The following SORCS2 variants were observed in gnomAD, a reference collection of about 807,000 sequenced individuals.
SORCS2 encodes sortilin related VPS10 domain containing receptor 2.
SORCS2 carries 100 observed loss-of-function variants against 141.6 expected under a neutral mutation model. The ratio of observed to expected loss-of-function variants is 0.71; its 90% CI spans 0.60 to 0.83. The LOEUF is 0.83. Ranked by LOEUF, SORCS2 falls within the 40% of genes least tolerant of loss-of-function variation. The pLI, the probability that SORCS2 is intolerant of heterozygous loss-of-function variation, is 0.00. For missense variants in SORCS2, 1,646 were observed against 1,560.2 expected, an observed-to-expected ratio of 1.05 and a Z score of -0.93; for synonymous variants, 789 against 676.9, an observed-to-expected ratio of 1.17 and a Z score of -2.57.
chr4:7,343,767 C>T (rs529718984), intron 1 of SORCS2, among the ~76,000 whole-genome samples: 8 of 152,286 alleles, frequency 5.3e-5, no homozygotes, highest in Non-Finnish European at 1.0e-4. Context: ...TGGTACACGG[C>T]GTAGAATAAG....
chr4:7,386,560 G>A (rs201943467), intron 1 of SORCS2, among the ~76,000 whole-genome samples: 14 of 66,342 alleles, frequency 2.1e-4, no homozygotes, highest in South Asian at 5.8e-4. Context: ...AGATACACAC[G>A]CACATGCACA....
chr4:7,575,625 A>T (rs74768064), intron 3 of SORCS2, among the ~76,000 whole-genome samples: 1 of 152,242 alleles, frequency 6.6e-6, no homozygotes, highest in South Asian at 2.1e-4. Context: ...ATTTAAATTA[A>T]TTGAAACTAG....
chr4:7,574,426 C>T (rs967938895), intron 3 of SORCS2, among the ~76,000 whole-genome samples: 1 of 152,204 alleles, frequency 6.6e-6, no homozygotes. Flanking sequence ...AGAGTGATGA[C>T]GTGTTCTTCC....
rs201773070 is a variant in SORCS2, at chr4:7,313,553, C to G, written c.481-82735C>G. Among the ~76,000 whole-genome samples the G allele has an allele frequency of 4.6e-5, 7 of 152,204 alleles. No homozygotes were observed. The East Asian group carries it at 1.4e-3, about 29-fold the overall frequency. ...ACGGGGAGGAAGGAGGGGCTGAGCC[C>G]GGGGACAGACAGAAAGACCTCTTTG... On this transcript the variant is annotated intron_variant, in intron 1 of 26. Coordinates refer to ENST00000507866, the MANE Select transcript of SORCS2 (RefSeq NM_020777.3).
intron 8 of SORCS2, among the ~76,000 whole-genome samples, chr4:7,675,370 C>T (rs1402200698): frequency 6.6e-6 from 1 of 152,116 alleles, no homozygotes; most frequent in South Asian, 2.1e-4. Flanking sequence ...CCAGACTGTG[C>T]CCCCAGGGCT....
chr4:7,349,958 T>C (rs1197742590), intron 1 of SORCS2, among the ~76,000 whole-genome samples: 1 of 152,124 alleles, frequency 6.6e-6, no homozygotes, highest in Non-Finnish European at 1.5e-5. Flanking sequence ...ACTGGACAAT[T>C]TCAGTCCCCA....
Position 7,549,659 on chromosome 4 carries a change from G to A in SORCS2, c.648+18030G>A, listed in dbSNP as rs185606100. 1.9e-3 allele frequency among the ~76,000 whole-genome samples: 286 copies of A among 152,318 alleles called. 1 individual carries two copies. Among genetic ancestry groups the A allele is most frequent in the African/African-American group, 6.6e-3 (274 of 41,558 alleles). On this transcript the variant is annotated intron_variant, in intron 3 of 26. Transcript: ENST00000507866. ...TAATGCTTATGATGAACCCAGCACT[G>A]GTGCAAGCACATAGTTGGTGCTCAG...
intron 2 of SORCS2, among the ~76,000 whole-genome samples, chr4:7,491,921 C>A (rs1731339914): frequency 6.6e-6 from 1 of 152,186 alleles, no homozygotes; most frequent in African/African-American, 2.4e-5. Context: ...CTGGAGCAAG[C>A]CCAGTGCAGT....
At chr4:7,194,355 G>A (rs1727041947) in intron 1 of SORCS2, among the ~76,000 whole-genome samples, 1 of 152,220 alleles carries the variant, frequency 6.6e-6, no homozygotes, top group Admixed American at 6.5e-5. Flanking sequence ...CCTCTGTCCA[G>A]CTTTGCTGGG....
intron 1 of SORCS2, among the ~76,000 whole-genome samples, chr4:7,307,881 CA>C (rs1377479037): frequency 1.3e-5 from 2 of 151,066 alleles, no homozygotes; most frequent in East Asian, 3.9e-4. Flanking sequence ...AGTGTATGTG[CA>C]TGGGTTTGTG....
rs4689127 is a variant in SORCS2, at chr4:7,476,753, C to T, written c.549-54777C>T. On this transcript the variant is annotated intron_variant, in intron 2 of 26. Transcript: ENST00000507866. ...CACACCTCTCTAAGCAGGGACATGG[C>T]CCAGCACCTGCTCCACGCTCTCCCT... 3.7e-3 allele frequency among the ~76,000 whole-genome samples: 562 copies of T among 152,252 alleles called. 9 individuals carry two copies. Among genetic ancestry groups the T allele is most frequent in the East Asian group, 0.028 (145 of 5,168 alleles).
chr4:7,582,062 T>G (rs1302406304), intron 3 of SORCS2, among the ~76,000 whole-genome samples: 1 of 152,208 alleles, frequency 6.6e-6, no homozygotes, highest in African/African-American at 2.4e-5. Context: ...TAGATAACGA[T>G]GATTTGGCCA....
chr4:7,323,784 C>A (rs1196933093), intron 1 of SORCS2, among the ~76,000 whole-genome samples: 1 of 152,088 alleles, frequency 6.6e-6, no homozygotes, highest in Non-Finnish European at 1.5e-5. Context: ...CCCTCCACCC[C>A]CGAGAAATGG....
Position 7,531,372 on chromosome 4 carries a change from G to A in SORCS2, c.549-158G>A, listed in dbSNP as rs79759094. Reference sequence around the variant, plus strand: ...GCCCAGTCTCCTCTCCTGCCTTGTCGGCATACACTGCCCCCAGGCAGAGTG... The same window carrying A: ...GCCCAGTCTCCTCTCCTGCCTTGTCAGCATACACTGCCCCCAGGCAGAGTG... On this transcript the variant is annotated intron_variant, in intron 2 of 26. Transcript: ENST00000507866. Among the ~76,000 whole-genome samples, 7,330 of 152,262 alleles carry A rather than the reference G, an allele frequency of 0.048. 212 individuals are homozygous for A. Among genetic ancestry groups the A allele is most frequent in the Middle Eastern group, 0.092 (27 of 294 alleles).
At chr4:7,514,941 A>G (rs1732882419) in intron 2 of SORCS2, among the ~76,000 whole-genome samples, 1 of 152,150 alleles carries the variant, frequency 6.6e-6, no homozygotes, top group South Asian at 2.1e-4. Flanking sequence ...GATGTGTCCA[A>G]GGGCTCAGAG....
intron 1 of SORCS2, among the ~76,000 whole-genome samples, chr4:7,213,216 C>T (rs1728152313): frequency 6.6e-6 from 1 of 152,262 alleles, no homozygotes; most frequent in African/African-American, 2.4e-5. Flanking sequence ...GCCATCTCGC[C>T]TGTGGGCTGT....
chr4:7,469,842 A>G (rs775321444), intron 2 of SORCS2, among the ~76,000 whole-genome samples: 41 of 152,152 alleles, frequency 2.7e-4, no homozygotes, highest in Admixed American at 1.6e-3. Flanking sequence ...CTGGCATCTC[A>G]TGGGGAGGCG....
intron 2 of SORCS2, among the ~76,000 whole-genome samples, chr4:7,412,056 C>A (rs1225081910): frequency 2.0e-5 from 3 of 152,230 alleles, no homozygotes; most frequent in Non-Finnish European, 2.9e-5. Context: ...TAATCCTAGG[C>A]TGTGTGGCAG....
intron 1 of SORCS2, among the ~76,000 whole-genome samples, chr4:7,254,786 A>G (rs1713735307): frequency 6.6e-6 from 1 of 152,142 alleles, no homozygotes. Flanking sequence ...GTTCTGCATC[A>G]GGAGGATTCT....
Sources: gnomAD v4.1 joint callset for allele counts (sites outside exome capture counted in the v4.1 genomes callset) on GRCh38, gnomAD v4.1.1 for gene constraint, MANE v1.5 for transcripts, NCBI Gene and HGNC (gene_info 2026-07-23, HGNC 2026-07-21) for gene names.